IQCJ: variants seen among roughly 807,000 people sequenced by gnomAD.
IQCJ encodes IQ domain-containing protein J.
In IQCJ, 9 loss-of-function variants were observed where a neutral mutation model predicts 11.0. The observed-to-expected ratio is 0.82, with a 90% CI of 0.49 to 1.43. The LOEUF (loss-of-function observed/expected upper bound fraction) is 1.43, where lower values mean the gene tolerates loss of function less well. Ranked by LOEUF, IQCJ falls within the 40% of genes most tolerant of loss-of-function variation. The pLI is 0.00. For missense variants in IQCJ, 146 were observed against 133.2 expected (o/e 1.10, Z -0.47); for synonymous variants, 55 against 51.3 (o/e 1.07, Z -0.31).
intron 1 of IQCJ, among the ~76,000 whole-genome samples, chr3:159,234,297 G>A (rs554428573): frequency 7.2e-5 from 11 of 152,182 alleles, no homozygotes; most frequent in Non-Finnish European, 1.5e-4. Context: ...TTCAATTAAT[G>A]TTAGTAGTAA....
chr3:159,178,324 G>A (rs775830142), intron 1 of IQCJ, among the ~76,000 whole-genome samples: 10 of 152,118 alleles, frequency 6.6e-5, no homozygotes, highest in African/African-American at 1.2e-4. Context: ...TGATGGTTCC[G>A]TATAGGCTTC....
chr3:159,094,496 A>G (rs1717585702), intron 1 of IQCJ, among the ~76,000 whole-genome samples: 1 of 132,140 alleles, frequency 7.6e-6, no homozygotes, highest in Non-Finnish European at 1.5e-5. Flanking sequence ...CTTTGATTCT[A>G]GAGCCAGCAT....
intron 1 of IQCJ, among the ~76,000 whole-genome samples, chr3:159,077,609 T>C (rs1215960442): frequency 1.3e-5 from 2 of 152,152 alleles, no homozygotes; most frequent in Admixed American, 6.5e-5. Flanking sequence ...GTCTATAGCA[T>C]GAATGATACT....
chr3:159,264,001 A>G (rs1577126412), downstream of IQCJ, among the ~76,000 whole-genome samples: 1 of 152,248 alleles, frequency 6.6e-6, no homozygotes, highest in Non-Finnish European at 1.5e-5. Context: ...GTGAGGTAAA[A>G]ACTAAAGTGA....
At chr3:159,138,518 A>C (rs1720425104) in intron 1 of IQCJ, among the ~76,000 whole-genome samples, 1 of 152,224 alleles carries the variant, frequency 6.6e-6, no homozygotes, top group Admixed American at 6.5e-5. Context: ...CATTTATTTC[A>C]AAGTAAAAAG....
chr3:159,189,453 T>C (rs1472549472), intron 1 of IQCJ, among the ~76,000 whole-genome samples: 2 of 152,206 alleles, frequency 1.3e-5, no homozygotes, highest in Admixed American at 1.3e-4. Context: ...AGACCAGTAT[T>C]GTTCTAGCAA....
chr3:159,081,090 G>C (rs979736127), intron 1 of IQCJ, among the ~76,000 whole-genome samples: 19 of 152,094 alleles, frequency 1.2e-4, no homozygotes, highest in African/African-American at 4.6e-4. Context: ...CAGAGGCTCA[G>C]TGATTTCATC....
intron 1 of IQCJ, among the ~76,000 whole-genome samples, chr3:159,123,289 GCTCT>G (rs1037500484): frequency 2.0e-5 from 3 of 152,052 alleles, no homozygotes; most frequent in Non-Finnish European, 4.4e-5. Flanking sequence ...AGTAGTGTGG[GCTCT>G]CTGTCTCCTC....
intron 1 of IQCJ, among the ~76,000 whole-genome samples, chr3:159,084,164 G>A (rs964478639): frequency 2.6e-5 from 4 of 151,638 alleles, no homozygotes; most frequent in African/African-American, 7.3e-5. Flanking sequence ...ATCATTGGGG[G>A]AAACTAGAGA....
chr3:159,233,260 C>T (rs1226203226), intron 1 of IQCJ, among the ~76,000 whole-genome samples: 1 of 152,038 alleles, frequency 6.6e-6, no homozygotes, highest in South Asian at 2.1e-4. Flanking sequence ...TGAAGTCCTG[C>T]CAGGCCCAGG....
At chr3:159,233,632 T>G (rs1327505257) in intron 1 of IQCJ, among the ~76,000 whole-genome samples, 1 of 152,090 alleles carries the variant, frequency 6.6e-6, no homozygotes, top group Admixed American at 6.5e-5. Context: ...ACAATTAGTG[T>G]CCCCATTTTA....
At chr3:159,088,873 A>C (rs1278898036) in intron 1 of IQCJ, among the ~76,000 whole-genome samples, 1 of 152,120 alleles carries the variant, frequency 6.6e-6, no homozygotes, top group African/African-American at 2.4e-5. Flanking sequence ...CTCTTTATCC[A>C]ATTTGCCAGT....
chr3:159,178,210 A>C (rs894420810), intron 1 of IQCJ, among the ~76,000 whole-genome samples: 5 of 152,134 alleles, frequency 3.3e-5, no homozygotes, highest in Non-Finnish European at 7.4e-5. Flanking sequence ...AATTCCCTGA[A>C]AGGTAGGTGA....
intron 1 of IQCJ, among the ~76,000 whole-genome samples, chr3:159,169,249 CT>C (rs111879662): frequency 0.062 from 5,234 of 84,220 alleles, 325 homozygotes; most frequent in African/African-American, 0.19. Flanking sequence ...AGCCTATGTT[CT>C]TTTTTTTTTC....
chr3:159,243,675 G>T (rs1244434223), intron 1 of IQCJ, among the ~76,000 whole-genome samples: 1 of 152,110 alleles, frequency 6.6e-6, no homozygotes, highest in Non-Finnish European at 1.5e-5. Context: ...TATTGTTTCG[G>T]CTGTGACTCT....
At chr3:159,140,991 G>A (rs936724923) in intron 1 of IQCJ, among the ~76,000 whole-genome samples, 4 of 152,110 alleles carry the variant, frequency 2.6e-5, no homozygotes, top group Admixed American at 6.5e-5. Flanking sequence ...ACTGCTATTC[G>A]GTATAAACAA....
chr3:159,253,172 C>T (rs1156733588), intron 3 of IQCJ, among the ~76,000 whole-genome samples: 4 of 152,182 alleles, frequency 2.6e-5, no homozygotes, highest in African/African-American at 9.6e-5. Flanking sequence ...ATGTATCACA[C>T]ACACACACAC....
chr3:159,081,975 T>C (rs1250926970), intron 1 of IQCJ, among the ~76,000 whole-genome samples: 3 of 152,118 alleles, frequency 2.0e-5, no homozygotes, highest in Admixed American at 1.3e-4. Flanking sequence ...GGGATGTCCA[T>C]TAACTGCCAA....
At chr3:159,217,223 T>G (rs1445420251) in intron 1 of IQCJ, among the ~76,000 whole-genome samples, 4 of 152,132 alleles carry the variant, frequency 2.6e-5, no homozygotes, top group African/African-American at 9.7e-5. Flanking sequence ...CCTAGGTAAT[T>G]CTAATGACCA....
Sources: allele counts gnomAD v4.1 joint callset (sites outside exome capture counted in the v4.1 genomes callset), GRCh38; gene constraint gnomAD v4.1.1; transcripts MANE v1.5; gene names NCBI Gene and HGNC (gene_info 2026-07-23, HGNC 2026-07-21).